Variants in RAD51B observed in about 807,000 individuals in gnomAD.
RAD51B encodes the protein RAD51 paralog B.
Under a neutral mutation model 42.2 loss-of-function variants are expected in RAD51B, and 38 were observed. The ratio of observed to expected loss-of-function variants is 0.90; its 90% CI spans 0.70 to 1.18. RAD51B has a LOEUF of 1.18. RAD51B is among the 50% of genes most tolerant of loss of function. The probability of loss-of-function intolerance (pLI) is 0.00; values close to 1 mark genes in which losing one functional copy is unlikely to be tolerated. For synonymous variants in RAD51B, 154 were observed against 145.2 expected, an observed-to-expected ratio of 1.06 and a Z score of -0.43; for missense variants, 373 against 400.7, an observed-to-expected ratio of 0.93 and a Z score of 0.59.
At chr14:67,931,562 G>A (rs2044737413) in intron 7 of RAD51B, among the ~76,000 whole-genome samples, 1 of 149,074 alleles carries the variant, frequency 6.7e-6, no homozygotes, top group South Asian at 2.1e-4. Flanking sequence ...GAGGGCAATG[G>A]CACAACCTCA....
At chr14:68,075,671 C>T (rs1225374315) in intron 7 of RAD51B, among the ~76,000 whole-genome samples, 3 of 152,130 alleles carry the variant, frequency 2.0e-5, no homozygotes. Context: ...GAGCTGCACC[C>T]CTGGGAAATA....
In RAD51B at chr14:68,411,491, G is replaced by T. The variant is rs1169281642; in HGVS notation, c.921G>T (p.Arg307=). The T allele has an allele frequency of 1.1e-5, 18 of 1,613,970 alleles. No homozygotes were observed. Among genetic ancestry groups the T allele is most frequent in the Admixed American group, 1.7e-5 (1 of 59,980 alleles). The change falls in exon 9 of 11, where the codon CGG becomes CGT. Residue 307 remains arginine, a synonymous_variant. Coordinates refer to ENST00000471583, the MANE Select transcript of RAD51B (RefSeq NM_133510.4). ...CCTGGAGTCACAGTGTGAATACCCG[G>T]CTGATCCTCCAGTACCTTGATTCAG... ...GNTWSHSVNT[R]LILQYLDSER... is the part of the protein sequence containing the mutation.
chr14:68,651,357 A>C (rs1892694809), intron 11 of RAD51B, among the ~76,000 whole-genome samples: 2 of 152,012 alleles, frequency 1.3e-5, no homozygotes, highest in Admixed American at 1.3e-4. Flanking sequence ...TTTTTATGTA[A>C]AGATAAGGTT....
chr14:68,043,152 C>G (rs2076242634), intron 7 of RAD51B, among the ~76,000 whole-genome samples: 1 of 152,098 alleles, frequency 6.6e-6, no homozygotes, highest in South Asian at 2.1e-4. Context: ...TTTATTAATT[C>G]TCTGGTTGGT....
intron 7 of RAD51B, among the ~76,000 whole-genome samples, chr14:68,027,794 T>C (rs1290394815): frequency 2.6e-5 from 4 of 152,254 alleles, no homozygotes; most frequent in Non-Finnish European, 2.9e-5. Context: ...CTAGATGAGC[T>C]TCCTTGCCAT....
intron 8 of RAD51B, among the ~76,000 whole-genome samples, chr14:68,318,043 A>G (rs2082093241): frequency 6.6e-6 from 1 of 152,218 alleles, no homozygotes; most frequent in African/African-American, 2.4e-5. Flanking sequence ...CATGCTTTAC[A>G]CCAAGGTGAT....
intron 8 of RAD51B, among the ~76,000 whole-genome samples, chr14:68,409,051 G>C (rs1260716954): frequency 6.6e-6 from 1 of 152,158 alleles, no homozygotes; most frequent in Non-Finnish European, 1.5e-5. Flanking sequence ...AGTGGGTGTG[G>C]GATTTCTTTT....
chr14:68,210,508 G>T (rs191226499), intron 7 of RAD51B, among the ~76,000 whole-genome samples: 15 of 152,004 alleles, frequency 9.9e-5, no homozygotes, highest in African/African-American at 3.6e-4. Flanking sequence ...TACATGACCA[G>T]GCCTTAGGTT....
intron 7 of RAD51B, among the ~76,000 whole-genome samples, chr14:68,241,369 C>T (rs980132719): frequency 1.3e-5 from 2 of 152,054 alleles, no homozygotes; most frequent in Non-Finnish European, 2.9e-5. Flanking sequence ...GGTGGAACAC[C>T]ATCTCTACTA....
chr14:68,421,962 A>G, intron 9 of RAD51B: 1 of 1,550,674 alleles, frequency 6.4e-7, no homozygotes, highest in Non-Finnish European at 8.9e-7. Context: ...CTCCGTGTAG[A>G]TGGACTTGCC....
intron 7 of RAD51B, among the ~76,000 whole-genome samples, chr14:67,973,979 A>G (rs2140255839): frequency 6.6e-6 from 1 of 152,268 alleles, no homozygotes; most frequent in Non-Finnish European, 1.5e-5. Context: ...CAACTTGCAT[A>G]TACAAGGGAA....
chr14:68,441,494 A>G (rs563511858), intron 9 of RAD51B, among the ~76,000 whole-genome samples: 36 of 130,242 alleles, frequency 2.8e-4, no homozygotes, highest in African/African-American at 9.0e-4. Flanking sequence ...ATGAGCCAAG[A>G]TGGCGCCACT....
At chr14:68,418,894 A>G (rs916175011) in intron 9 of RAD51B, among the ~76,000 whole-genome samples, 2 of 152,384 alleles carry the variant, frequency 1.3e-5, no homozygotes, top group Admixed American at 1.3e-4. Flanking sequence ...ACTGATTTAC[A>G]AATGAATCAG....
At chr14:68,524,365 T>C (rs1239357266) in intron 10 of RAD51B, among the ~76,000 whole-genome samples, 1 of 152,188 alleles carries the variant, frequency 6.6e-6, no homozygotes, top group Non-Finnish European at 1.5e-5. Flanking sequence ...GAGAAGAGTA[T>C]GAAAGATAAA....
At chr14:67,885,471 AT>A (rs2043034058) in intron 5 of RAD51B, among the ~76,000 whole-genome samples, 2 of 152,236 alleles carry the variant, frequency 1.3e-5, no homozygotes, top group African/African-American at 4.8e-5. Context: ...ACTGATATCT[AT>A]TATAATACAA....
intron 4 of RAD51B, among the ~76,000 whole-genome samples, chr14:67,861,470 C>G (rs1222108841): frequency 6.7e-6 from 1 of 149,288 alleles, no homozygotes; most frequent in African/African-American, 2.5e-5. Flanking sequence ...GAAACCCAGT[C>G]TCTATGAAAA....
At chr14:68,315,590 C>A (rs1174772435) in intron 8 of RAD51B, among the ~76,000 whole-genome samples, 1 of 152,116 alleles carries the variant, frequency 6.6e-6, no homozygotes, top group Non-Finnish European at 1.5e-5. Flanking sequence ...GGCGTGATCT[C>A]TGCTCACTGC....
At chr14:68,648,157 A>C (rs374570841) in intron 10 of RAD51B, among the ~76,000 whole-genome samples, 1 of 132,618 alleles carries the variant, frequency 7.5e-6, no homozygotes, top group African/African-American at 2.9e-5. Context: ...ACACACACGT[A>C]TATATATATA....
At chr14:68,204,828 G>T (rs1349921233) in intron 7 of RAD51B, among the ~76,000 whole-genome samples, 1 of 152,078 alleles carries the variant, frequency 6.6e-6, no homozygotes, top group Non-Finnish European at 1.5e-5. Context: ...AATAATTAAT[G>T]AAGTAAATTA....
Sources: allele counts gnomAD v4.1 joint callset (sites outside exome capture counted in the v4.1 genomes callset), GRCh38; gene constraint gnomAD v4.1.1; transcripts MANE v1.5; gene names NCBI Gene and HGNC (gene_info 2026-07-23, HGNC 2026-07-21).